The following EPB41L2 variants were observed in gnomAD, a reference collection of about 807,000 sequenced individuals.
EPB41L2 encodes erythrocyte membrane protein band 4.1 like 2.
Under a neutral mutation model 113.0 loss-of-function variants are expected in EPB41L2, and 43 were observed. That is an observed-to-expected ratio of 0.38 (90% CI 0.30 to 0.49). The LOEUF (loss-of-function observed/expected upper bound fraction) is 0.49, where lower values mean the gene tolerates loss of function less well. Ranked by LOEUF, EPB41L2 falls within the 20% of genes least tolerant of loss-of-function variation. The probability of loss-of-function intolerance (pLI) is 0.95; values close to 1 mark genes in which losing one functional copy is unlikely to be tolerated. For synonymous variants in EPB41L2, 442 were observed against 436.7 expected (o/e 1.01, Z -0.15); for missense variants, 1,147 against 1,223.4 (o/e 0.94, Z 0.93).
intron 18 of EPB41L2, among the ~76,000 whole-genome samples, chr6:130,858,593 G>T (rs537209986): frequency 7.5e-6 from 1 of 133,724 alleles, no homozygotes; most frequent in Non-Finnish European, 1.7e-5. Context: ...GAGTTGTAAC[G>T]ATCATTTTAA....
At chr6:131,062,078 G>A (rs958131065) in intron 1 of EPB41L2, among the ~76,000 whole-genome samples, 4 of 152,012 alleles carry the variant, frequency 2.6e-5, no homozygotes, top group African/African-American at 9.7e-5. Flanking sequence ...TGGTGTTGAT[G>A]GGGCAATTCA....
intron 1 of EPB41L2, among the ~76,000 whole-genome samples, chr6:131,029,857 T>C (rs572358501): frequency 2.0e-4 from 31 of 151,702 alleles, no homozygotes; most frequent in South Asian, 1.5e-3. Context: ...TTCTGAGCCC[T>C]TTATCCAACA....
chr6:130,890,277 A>T lies in EPB41L2; in HGVS notation c.1660+17T>A, dbSNP rs879130148. Reference sequence around the variant, plus strand: ...AGAAAGATGAATGAAAATCAAAATTATCATAAATGTGTTTACCTCCATCTA... The same window carrying T: ...AGAAAGATGAATGAAAATCAAAATTTTCATAAATGTGTTTACCTCCATCTA... On this transcript the variant is annotated intron_variant, in intron 11 of 19. Coordinates refer to ENST00000337057, the MANE Select transcript of EPB41L2 (RefSeq NM_001431.4). 2.5e-6 allele frequency: 4 copies of T among 1,588,638 alleles called. No individual in the cohort carries two copies. The highest frequency in any genetic ancestry group is 2.3e-5 in the South Asian group (2 of 86,056).
intron 10 of EPB41L2, among the ~76,000 whole-genome samples, chr6:130,890,924 A>ATGCC (rs1312904126): frequency 3.9e-5 from 6 of 152,236 alleles, no homozygotes; most frequent in South Asian, 4.1e-4. Context: ...CATGAAGAAC[A>ATGCC]TGCCACACAG....
rs1187476522 is a variant in EPB41L2 at position 130,966,122 on chromosome 6, C to T, written c.-14-9623G>A. On this transcript the variant is annotated intron_variant, in intron 1 of 19. Coordinates refer to ENST00000337057, the MANE Select transcript of EPB41L2 (RefSeq NM_001431.4). ...ATTCAAAGCTTTCCTGGGCCTCCTG[C>T]GGCCTGCAGGCCACAGGTTGGACAA... 4.6e-5 allele frequency among the ~76,000 whole-genome samples: 7 copies of T among 152,114 alleles called. No individual in the cohort carries two copies. The South Asian group carries it at 6.2e-4, about 14-fold the overall frequency.
chr6:131,057,644 G>C (rs1797848252), intron 1 of EPB41L2, among the ~76,000 whole-genome samples: 1 of 152,138 alleles, frequency 6.6e-6, no homozygotes, highest in African/African-American at 2.4e-5. Context: ...CTTCAGAGTT[G>C]GTAATCAGAA....
intron 3 of EPB41L2, among the ~76,000 whole-genome samples, chr6:130,949,735 C>T (rs746853230): frequency 5.9e-5 from 9 of 151,974 alleles, no homozygotes; most frequent in Non-Finnish European, 1.2e-4. Flanking sequence ...CTGCATGGAT[C>T]CACTTACACC....
chr6:130,891,891 TAAACTG>T (rs1297769481), intron 10 of EPB41L2, among the ~76,000 whole-genome samples: 2 of 152,204 alleles, frequency 1.3e-5, no homozygotes, highest in Non-Finnish European at 2.9e-5. Flanking sequence ...CCTTTCATGA[TAAACTG>T]AAACAGAATA....
chr6:130,888,184 T>C (rs1276936690), intron 11 of EPB41L2, among the ~76,000 whole-genome samples: 6 of 152,332 alleles, frequency 3.9e-5, no homozygotes, highest in Non-Finnish European at 7.3e-5. Flanking sequence ...AGTGCCAGGT[T>C]ACAGCCTAGC....
intron 19 of EPB41L2, among the ~76,000 whole-genome samples, chr6:130,852,614 A>G (rs958797013): frequency 6.6e-6 from 1 of 152,144 alleles, no homozygotes; most frequent in African/African-American, 2.4e-5. Context: ...CATCTTCCCA[A>G]TGCACTAACT....
intron 1 of EPB41L2, among the ~76,000 whole-genome samples, chr6:130,957,772 T>C (rs1583931446): frequency 6.6e-6 from 1 of 152,234 alleles, no homozygotes; most frequent in African/African-American, 2.4e-5. Flanking sequence ...CAGTTAGTGA[T>C]TTTGAGTATA....
At chr6:130,915,613 T>A (rs992895448) in intron 4 of EPB41L2, among the ~76,000 whole-genome samples, 6 of 152,158 alleles carry the variant, frequency 3.9e-5, no homozygotes, top group Non-Finnish European at 8.8e-5. Flanking sequence ...GATTAATATA[T>A]AAATAAAAAC....
intron 1 of EPB41L2, among the ~76,000 whole-genome samples, chr6:130,995,182 A>G (rs1358559598): frequency 6.6e-6 from 1 of 151,582 alleles, no homozygotes; most frequent in Non-Finnish European, 1.5e-5. Flanking sequence ...CAAAAATACA[A>G]AAAATTAGCC....
intron 7 of EPB41L2, among the ~76,000 whole-genome samples, 158 bp from the exon 8 acceptor site, chr6:130,899,736 T>G (rs539503614): frequency 6.6e-6 from 1 of 152,312 alleles, no homozygotes; most frequent in East Asian, 1.9e-4. Flanking sequence ...ACTCTCAACC[T>G]CTAACATTTT....
intron 12 of EPB41L2, 60 bp from the exon 13 acceptor site, chr6:130,880,266 G>A (rs1788882423): frequency 3.3e-6 from 4 of 1,212,306 alleles, no homozygotes; most frequent in African/African-American, 1.5e-5. Context: ...GTATCAATCA[G>A]CAAGCACCAA....
intron 1 of EPB41L2, among the ~76,000 whole-genome samples, chr6:130,993,717 C>T (rs796416272): frequency 1.3e-5 from 2 of 152,102 alleles, no homozygotes; most frequent in Admixed American, 1.3e-4. Flanking sequence ...TGGAACTGGG[C>T]GTGAGGAGGG....
intron 3 of EPB41L2, among the ~76,000 whole-genome samples, chr6:130,949,268 A>AT (rs1280407345): frequency 1.3e-5 from 2 of 152,198 alleles, no homozygotes; most frequent in African/African-American, 4.8e-5. Flanking sequence ...ACTTTTGGAA[A>AT]TTTTAAATCA....
At chr6:131,061,498 A>G (rs924433848) in intron 1 of EPB41L2, among the ~76,000 whole-genome samples, 11 of 152,226 alleles carry the variant, frequency 7.2e-5, no homozygotes, top group African/African-American at 2.2e-4. Flanking sequence ...GGATGGAGCC[A>G]GTTGGCCCTT....
In EPB41L2 at chr6:130,865,603, G is replaced by C. The variant is rs144870570; in HGVS notation, c.2762C>G (p.Thr921Arg). The change falls in exon 17 of 20, where the codon ACG (threonine) becomes AGG (arginine). Residue 921 changes from threonine to arginine, a missense_variant. Physicochemically the swap from Thr to Arg is moderately conservative, Grantham distance 71. Coordinates refer to ENST00000337057, the MANE Select transcript of EPB41L2 (RefSeq NM_001431.4). ...IDGGAGGDSG[T>R]LLTAQTITSE... ...TGTGATGGTTTGTGCGGTCAGTAACGTGCCCGAATCACCACCAGCCCCGCC... is the reference window on the plus strand; with the variant it reads ...TGTGATGGTTTGTGCGGTCAGTAACCTGCCCGAATCACCACCAGCCCCGCC... The C allele has an allele frequency of 1.2e-6, 2 of 1,614,130 alleles. No homozygotes were observed. The highest frequency in any genetic ancestry group is 1.7e-6 in the Non-Finnish European group (2 of 1,180,016).
Sources: allele counts gnomAD v4.1 joint callset (sites outside exome capture counted in the v4.1 genomes callset), GRCh38; gene constraint gnomAD v4.1.1; transcripts MANE v1.5; gene names NCBI Gene and HGNC (gene_info 2026-07-23, HGNC 2026-07-21).